Variants in RCBTB1 observed in about 807,000 individuals in gnomAD.
RCBTB1 encodes RCC1 and BTB domain containing protein 1, also known as RCC1 and BTB domain-containing protein 1.
In RCBTB1, 46 loss-of-function variants were observed where a neutral mutation model predicts 62.4. That is an observed-to-expected ratio of 0.74 (90% CI 0.58 to 0.94). RCBTB1 has a LOEUF of 0.94. RCBTB1 is among the 40% of genes least tolerant of loss of function. The pLI, the probability that RCBTB1 is intolerant of heterozygous loss-of-function variation, is 0.00. For missense variants in RCBTB1, 565 were observed against 654.9 expected (o/e 0.86, Z 1.50); for synonymous variants, 222 against 245.8 (o/e 0.90, Z 0.91).
In RCBTB1 at chr13:49,567,163, G is replaced by A; in HGVS notation, c.117C>T (p.Asp39=). The part of the protein sequence containing the change: ...TSASEALYVT[D]NDEVFVFGLN... ...TTCAAGAGACTCTTACCTCATCATT[G>A]TCAGTAACGTACAGTGCTTCACTGG... Residue 39 remains aspartate, a synonymous_variant, in exon 3 of 13, where the codon GAC becomes GAT. Transcript: ENST00000378302. The A allele has an allele frequency of 6.2e-7, 1 of 1,613,994 alleles. No homozygotes were observed. Among genetic ancestry groups the A allele is most frequent in the South Asian group, 1.1e-5 (1 of 91,064 alleles).
At position 49,551,435 on chromosome 13, in the gene RCBTB1, T is replaced by C; in HGVS notation, c.745A>G (p.Thr249Ala). The stretch of plus-strand genomic sequence containing the variant: ...CAGGCATACAGCAAGCCCTCATCTG[T>C]TAGTGCTAGAGTATGTGCGTAACCG... ...VCGYAHTLAL[T>A]DEGLLYAWGA... is the part of the protein sequence containing the mutation. Residue 249 changes from threonine (T) to alanine (A), a missense_variant, in exon 8 of 13, where the codon ACA becomes GCA. Transcript: ENST00000378302. 1 of 1,614,226 alleles carries C rather than the reference T, an allele frequency of 6.2e-7. No homozygotes were observed. The highest frequency in any genetic ancestry group is 1.1e-5 in the South Asian group (1 of 91,088).
intron 2 of RCBTB1, among the ~76,000 whole-genome samples, chr13:49,579,547 C>G (rs1594359867): frequency 6.6e-6 from 1 of 152,000 alleles, no homozygotes; most frequent in East Asian, 1.9e-4. Flanking sequence ...TGGCGTGAGC[C>G]CAGGAGGCAC....
At chr13:49,562,814 A>G (rs1348514127) in intron 4 of RCBTB1, among the ~76,000 whole-genome samples, 1 of 110,160 alleles carries the variant, frequency 9.1e-6, no homozygotes, top group East Asian at 3.1e-4. Flanking sequence ...TTTAAGAGAC[A>G]TGGCCTCGCT....
At chr13:49,576,444 A>G (rs73495301) in intron 2 of RCBTB1, among the ~76,000 whole-genome samples, 2,504 of 152,288 alleles carry the variant, frequency 0.016, 74 homozygotes, top group African/African-American at 0.057. Flanking sequence ...GAAAGGTTTC[A>G]GTCCTAAAAA....
chr13:49,548,430 G>T (rs1226090432), intron 9 of RCBTB1, among the ~76,000 whole-genome samples: 1 of 151,464 alleles, frequency 6.6e-6, no homozygotes, highest in African/African-American at 2.4e-5. Context: ...TCTTTGATTG[G>T]TATTATATCA....
intron 9 of RCBTB1, chr13:49,546,077 G>A (rs1337776882): frequency 1.0e-6 from 1 of 985,008 alleles, no homozygotes; most frequent in African/African-American, 1.7e-5. Context: ...TCACTGGTGG[G>A]TAAAAGAATA....
At chr13:49,554,968 T>C (rs1961723691) in intron 6 of RCBTB1, among the ~76,000 whole-genome samples, 1 of 152,192 alleles carries the variant, frequency 6.6e-6, no homozygotes, top group African/African-American at 2.4e-5. Context: ...GGAAGCTGCA[T>C]CCAGAGACTA....
Position 49,541,690 on chromosome 13 carries a change from G to A in RCBTB1, c.1310C>T (p.Pro437Leu). The A allele has an allele frequency of 1.2e-6, 2 of 1,612,428 alleles. No individual in the cohort carries two copies. The highest frequency in any genetic ancestry group is 1.7e-6 in the Non-Finnish European group (2 of 1,179,418). The part of the protein sequence containing the change: ...YLYTDTVDLP[P>L]EDAIGLLDLA... ...TACCACAGTACCTATAGCATCTTCT[G>A]GCGGCAGGTCGACTGTGTCTGTGTA... The change falls in exon 11 of 13, where the codon CCA (proline) becomes CTA (leucine). Residue 437 changes from proline to leucine, a missense_variant. Coordinates refer to ENST00000378302, the MANE Select transcript of RCBTB1 (RefSeq NM_018191.4).
At chr13:49,580,891 G>T (rs1023289911) in intron 1 of RCBTB1, among the ~76,000 whole-genome samples, 1 of 152,190 alleles carries the variant, frequency 6.6e-6, no homozygotes, top group African/African-American at 2.4e-5. Flanking sequence ...AATTACATGG[G>T]GTTGGGGGAT....
chr13:49,581,770 G>C (rs149566845), intron 1 of RCBTB1, among the ~76,000 whole-genome samples: 400 of 152,314 alleles, frequency 2.6e-3, no homozygotes, highest in African/African-American at 9.0e-3. Flanking sequence ...ACAGGCAAGA[G>C]GCATGCTAGT....
chr13:49,534,637 T>G (rs1428172380), intron 12 of RCBTB1, among the ~76,000 whole-genome samples: 2 of 152,172 alleles, frequency 1.3e-5, no homozygotes, highest in Non-Finnish European at 2.9e-5. Context: ...GCAGAATGTG[T>G]TTTGTCACGT....
intron 10 of RCBTB1, among the ~76,000 whole-genome samples, chr13:49,543,194 G>A (rs1220853912): frequency 1.3e-5 from 2 of 152,214 alleles, no homozygotes; most frequent in East Asian, 3.9e-4. Context: ...AACACAGGAG[G>A]TGGAGGTTGC....
chr13:49,555,016 A>G (rs1452995709), intron 6 of RCBTB1, among the ~76,000 whole-genome samples: 1 of 152,250 alleles, frequency 6.6e-6, no homozygotes, highest in Non-Finnish European at 1.5e-5. Flanking sequence ...AAGTGACCAC[A>G]GTAGGGGGTA....
intron 12 of RCBTB1, among the ~76,000 whole-genome samples, chr13:49,534,598 T>C (rs1566207401): frequency 6.6e-6 from 1 of 152,178 alleles, no homozygotes; most frequent in Non-Finnish European, 1.5e-5. Context: ...AAAGACATTG[T>C]TGTAAAAGGC....
intron 4 of RCBTB1, among the ~76,000 whole-genome samples, chr13:49,564,095 T>A (rs941862516): frequency 8.5e-5 from 13 of 152,170 alleles, no homozygotes; most frequent in African/African-American, 1.4e-4. Flanking sequence ...ACAGATCGAT[T>A]ACACACACAT....
At chr13:49,553,614 G>A (rs939414465) in intron 6 of RCBTB1, among the ~76,000 whole-genome samples, 3 of 152,160 alleles carry the variant, frequency 2.0e-5, no homozygotes. Context: ...AACAAATAAA[G>A]GCCTTGCTCA....
At position 49,540,497 on chromosome 13, in the gene RCBTB1, G is replaced by A. The variant is rs549187394; in HGVS notation, c.1455+379C>T. 2.0e-5 allele frequency among the ~76,000 whole-genome samples: 3 copies of A among 152,334 alleles called. No homozygotes were observed. In the East Asian group the frequency reaches 5.8e-4, roughly 29 times the overall value. ...CAAATCATACACATCCCCAGCTTAT[G>A]ACAGGGCAGAGGTGGAAAGACAGCA... On this transcript the variant is annotated intron_variant, in intron 12 of 12. Transcript: ENST00000378302.
chr13:49,560,166 T>G (rs1962322521), intron 4 of RCBTB1, 82 bp from the exon 5 acceptor site: 1 of 1,459,762 alleles, frequency 6.9e-7, no homozygotes. Context: ...TTCGTACAGC[T>G]CCTTCTCCAA....
intron 9 of RCBTB1, among the ~76,000 whole-genome samples, chr13:49,547,499 A>C (rs1047966020): frequency 2.0e-5 from 3 of 152,278 alleles, no homozygotes; most frequent in Admixed American, 6.5e-5. Flanking sequence ...GAAATATGCT[A>C]GCAAAAAGGC....
Sources: allele counts gnomAD v4.1 joint callset (sites outside exome capture counted in the v4.1 genomes callset), GRCh38; gene constraint gnomAD v4.1.1; transcripts MANE v1.5; gene names NCBI Gene and HGNC (gene_info 2026-07-23, HGNC 2026-07-21).